Variants in FBXO16 observed in about 807,000 individuals in gnomAD.
The protein encoded by FBXO16 is F-box protein 16, also known as F-box only protein 16.
In FBXO16, 31 loss-of-function variants were observed where a neutral mutation model predicts 41.0. The ratio of observed to expected loss-of-function variants is 0.76; its 90% CI spans 0.57 to 1.02. The LOEUF is 1.02. Among genes scored for constraint, FBXO16 ranks in the 50% least tolerant of loss-of-function variants. FBXO16 has a pLI of 0.00. For missense variants in FBXO16, 361 were observed against 346.2 expected, an observed-to-expected ratio of 1.04 and a Z score of -0.34; for synonymous variants, 133 against 117.8, an observed-to-expected ratio of 1.13 and a Z score of -0.84.
chr8:28,439,758 AT>A (rs1802737860), intron 7 of FBXO16, among the ~76,000 whole-genome samples: 1 of 151,934 alleles, frequency 6.6e-6, no homozygotes, highest in South Asian at 2.1e-4. Flanking sequence ...AAAAAAAAAA[AT>A]TAAATTTAAA....
intron 1 of FBXO16, among the ~76,000 whole-genome samples, chr8:28,488,156 T>G (rs1308280090): frequency 6.6e-6 from 1 of 152,090 alleles, no homozygotes; most frequent in Non-Finnish European, 1.5e-5. Flanking sequence ...CAGCCAAATA[T>G]TCATCTTTAA....
At chr8:28,458,711 C>G (rs1174371456) in intron 4 of FBXO16, among the ~76,000 whole-genome samples, 1 of 152,058 alleles carries the variant, frequency 6.6e-6, no homozygotes, top group African/African-American at 2.4e-5. Flanking sequence ...CGCCACTATG[C>G]CCATCTAATT....
rs114332886 is a variant in FBXO16, at chr8:28,473,646, T to C, written c.135+126A>G. The C allele has an allele frequency of 4.0e-4, 332 of 824,332 alleles. 1 individual carries two copies. In the African/African-American group the frequency reaches 5.3e-3, roughly 13 times the overall value. 51.1% of individuals were successfully genotyped at this position (824,332 alleles called of 1,614,324 possible). ...AAACAAATGTCTGGGTTTTTTTCTTTCTATCCAAGTTGAGTAAAATATGTC... is the reference window on the plus strand; with the variant it reads ...AAACAAATGTCTGGGTTTTTTTCTTCCTATCCAAGTTGAGTAAAATATGTC... On this transcript the variant is annotated intron_variant, in intron 3 of 8. Coordinates refer to ENST00000380254, the MANE Select transcript of FBXO16 (RefSeq NM_172366.4).
chr8:28,458,498 A>G (rs1355923396), intron 4 of FBXO16, among the ~76,000 whole-genome samples: 28 of 149,532 alleles, frequency 1.9e-4, no homozygotes, highest in African/African-American at 6.8e-4. Context: ...GGGAAGGGGG[A>G]GAAAAGTCTC....
intron 2 of FBXO16, among the ~76,000 whole-genome samples, chr8:28,481,683 G>A (rs1342521943): frequency 1.3e-5 from 2 of 152,052 alleles, no homozygotes; most frequent in East Asian, 1.9e-4. Context: ...GGTAGTGTGC[G>A]CCTGTAGTCC....
At chr8:28,461,638 T>C (rs1267807184) in intron 4 of FBXO16, among the ~76,000 whole-genome samples, 1 of 152,132 alleles carries the variant, frequency 6.6e-6, no homozygotes, top group Non-Finnish European at 1.5e-5. Context: ...TCGATTTTTT[T>C]CCCTGCCTAC....
chr8:28,487,249 A>T (rs929389863), intron 1 of FBXO16, among the ~76,000 whole-genome samples: 3 of 152,022 alleles, frequency 2.0e-5, no homozygotes, highest in Non-Finnish European at 4.4e-5. Flanking sequence ...AAGTGTGCCA[A>T]TGTGGACGTC....
chr8:28,481,052 C>CA (rs1228257571), intron 2 of FBXO16, among the ~76,000 whole-genome samples: 4 of 117,190 alleles, frequency 3.4e-5, no homozygotes, highest in Non-Finnish European at 1.7e-5. Flanking sequence ...AGGGTTCACT[C>CA]GGGGGCCCCG....
In FBXO16 at chr8:28,463,780, G is replaced by A. The variant is rs1489378234; in HGVS notation, c.174C>T (p.Leu58=). 2 of 1,613,920 alleles carry A rather than the reference G, an allele frequency of 1.2e-6. No homozygotes were observed. The highest frequency in any genetic ancestry group is 1.7e-6 in the Non-Finnish European group (2 of 1,179,960). The stretch of plus-strand genomic sequence containing the variant: ...GCGAGCAGCGCTCCAACAGGCCTGT[G>A]AGGATTCTTCTTCTTTGAGAGTCTG... ...KWTDSQRRRI[L]TGLLERCSLS... Residue 58 remains leucine, a synonymous_variant, in exon 4 of 9, where the codon CTC becomes CTT. Transcript: ENST00000380254.
At chr8:28,443,420 G>C (rs1372493136) in intron 7 of FBXO16, among the ~76,000 whole-genome samples, 1 of 152,028 alleles carries the variant, frequency 6.6e-6, no homozygotes, top group African/African-American at 2.4e-5. Flanking sequence ...GAATCTTCAA[G>C]TGTTCAGGTC....
intron 4 of FBXO16, among the ~76,000 whole-genome samples, chr8:28,462,440 G>A (rs541639981): frequency 5.3e-5 from 8 of 151,834 alleles, no homozygotes; most frequent in East Asian, 3.9e-4. Context: ...CACCACGCCC[G>A]GCTAATTTTT....
At chr8:28,463,525 T>G (rs948715857) in intron 4 of FBXO16, 87 bp downstream of exon 4, 2 of 1,325,156 alleles carry the variant, frequency 1.5e-6, no homozygotes, top group African/African-American at 3.0e-5. Context: ...TGTGTATGCC[T>G]GTGTTTCCCC....
chr8:28,463,805 G>C lies in FBXO16; in HGVS notation c.149C>G (p.Thr50Arg). Residue 50 changes from threonine to arginine, a missense_variant, in exon 4 of 9, where the codon ACA (threonine) becomes AGA (arginine). Thr to Arg is a moderately conservative substitution (Grantham distance 71). Transcript: ENST00000380254. Reference protein sequence around the residue: ...ALLGKWFDKWTDSQRRRILTG... With the variant: ...ALLGKWFDKWRDSQRRRILTG... Reference sequence around the variant, plus strand: ...GAGGATTCTTCTTCTTTGAGAGTCTGTCCATTTGTCAAACTGGAAACACAA... The same window carrying C: ...GAGGATTCTTCTTCTTTGAGAGTCTCTCCATTTGTCAAACTGGAAACACAA... The C allele has an allele frequency of 2.5e-6, 4 of 1,613,586 alleles. No homozygotes were observed. The highest frequency in any genetic ancestry group is 3.4e-6 in the Non-Finnish European group (4 of 1,179,864).
intron 6 of FBXO16, among the ~76,000 whole-genome samples, chr8:28,451,105 C>T (rs1462266967): frequency 6.6e-6 from 1 of 152,130 alleles, no homozygotes; most frequent in Non-Finnish European, 1.5e-5. Context: ...TCCCCGCACT[C>T]ACCCAGACTT....
Position 28,483,429 on chromosome 8 carries a change from A to T in FBXO16, c.18T>A (p.Pro6=). ...TTTTGGGACCATCTGTGTTTTTTGG[A>T]GGTGCAAATGCCATCATGAAACAAC... is the stretch of plus-strand genomic sequence containing the variant. MMAFA[P]PKNTDGPKMQ... is the part of the protein sequence containing the mutation. Residue 6 remains proline (P), a synonymous_variant, in exon 2 of 9, where the codon CCT becomes CCA. Transcript: ENST00000380254. 1 of 1,613,938 alleles carries T rather than the reference A, an allele frequency of 6.2e-7. No individual in the cohort carries two copies.
chr8:28,446,251 G>C (rs187752038), intron 7 of FBXO16, among the ~76,000 whole-genome samples: 542 of 121,310 alleles, frequency 4.5e-3, no homozygotes, highest in Middle Eastern at 8.3e-3. Flanking sequence ...GTGCGACCTT[G>C]GCTGACTATA....
chr8:28,463,922 A>C, intron 3 of FBXO16, 104 bp from the exon 4 acceptor site: 1 of 1,068,080 alleles, frequency 9.4e-7, no homozygotes, highest in African/African-American at 1.6e-5. Flanking sequence ...GGAGTTTAGT[A>C]ATTTATTTCT....
intron 7 of FBXO16, among the ~76,000 whole-genome samples, chr8:28,433,122 A>T (rs1326812117): frequency 1.3e-5 from 2 of 152,056 alleles, no homozygotes; most frequent in East Asian, 3.9e-4. Flanking sequence ...ACAACAAAAT[A>T]ATTTTCCTAT....
chr8:28,487,725 A>G (rs62502443), intron 1 of FBXO16, among the ~76,000 whole-genome samples: 44,336 of 151,956 alleles, frequency 0.29, 6,890 homozygotes, highest in Middle Eastern at 0.38. Context: ...CATACAAAAC[A>G]TAATTGTCCC....
Sources: gnomAD v4.1 joint callset for allele counts (sites outside exome capture counted in the v4.1 genomes callset) on GRCh38, gnomAD v4.1.1 for gene constraint, MANE v1.5 for transcripts, NCBI Gene and HGNC (gene_info 2026-07-23, HGNC 2026-07-21) for gene names.